The following COBL variants were observed in gnomAD, a reference collection of about 807,000 sequenced individuals.
COBL encodes cordon-bleu WH2 repeat protein.
Under a neutral mutation model 98.8 loss-of-function variants are expected in COBL, and 51 were observed. That is an observed-to-expected ratio of 0.52 (90% CI 0.41 to 0.65). COBL has a LOEUF of 0.65. Ranked by LOEUF, COBL falls within the 30% of genes least tolerant of loss-of-function variation. COBL has a pLI of 0.00. For synonymous variants in COBL, 634 were observed against 651.7 expected, an observed-to-expected ratio of 0.97 and a Z score of 0.41; for missense variants, 1,617 against 1,617.5, an observed-to-expected ratio of 1.00 and a Z score of 0.01.
intron 8 of COBL, among the ~76,000 whole-genome samples, chr7:51,041,972 AC>A (rs1156281383): frequency 6.6e-6 from 1 of 152,170 alleles, no homozygotes; most frequent in Admixed American, 6.5e-5. Flanking sequence ...CAAAAAGAGC[AC>A]TGGAACAGAA....
rs374824252 is a variant in COBL, at chr7:51,030,795, G to A, written c.1504+17C>T. On this transcript the variant is annotated intron_variant, in intron 9 of 12. Transcript: ENST00000265136. ...CATGCAGCATAATATCAGAGTAGCG[G>A]ATCAGGTGGTTCTTACCTTCCAGGT... is the stretch of plus-strand genomic sequence containing the variant. The A allele has an allele frequency of 2.0e-6, 3 of 1,523,212 alleles. No homozygotes were observed. Among genetic ancestry groups the A allele is most frequent in the Non-Finnish European group, 2.7e-6 (3 of 1,099,012 alleles). The allele number at this position is 1,523,212 out of a possible 1,614,324, so 94.4% of individuals were successfully genotyped here.
chr7:51,079,751 G>A (rs1419379187), intron 7 of COBL, among the ~76,000 whole-genome samples: 3 of 152,222 alleles, frequency 2.0e-5, no homozygotes, highest in Non-Finnish European at 4.4e-5. Flanking sequence ...CACATGGGCT[G>A]GGTGAGCTGC....
rs947567507 is a variant in COBL, at chr7:51,027,606, T to C, written c.3384+106A>G. On this transcript the variant is annotated intron_variant, in intron 10 of 12. Coordinates refer to ENST00000265136, the MANE Select transcript of COBL (RefSeq NM_015198.5). ...ACCTGTGTGGTAAGCCTCACTGTTA[T>C]CCTAATCCCGTCTCTCTCTCTCCTC... 3.5e-5 allele frequency: 34 copies of C among 962,762 alleles called. 1 individual carries two copies. In the South Asian group the frequency reaches 3.7e-4, roughly 10 times the overall value. The allele number at this position is 962,762 out of a possible 1,614,324, so 59.6% of individuals were successfully genotyped here.
At chr7:51,026,404 G>C in intron 11 of COBL, 142 bp downstream of exon 11, 1 of 1,146,170 alleles carries the variant, frequency 8.7e-7, no homozygotes, top group Non-Finnish European at 1.2e-6. Context: ...TCTCACACAG[G>C]CTGGGATGGC....
At chr7:51,283,437 T>C (rs559858358) in intron 1 of COBL, among the ~76,000 whole-genome samples, 7 of 152,346 alleles carry the variant, frequency 4.6e-5, no homozygotes, top group Middle Eastern at 3.4e-3. Context: ...AAAGATTAAA[T>C]AGATAATTCA....
intron 1 of COBL, among the ~76,000 whole-genome samples, chr7:51,297,769 A>C (rs1467223854): frequency 6.6e-6 from 1 of 152,316 alleles, no homozygotes; most frequent in East Asian, 1.9e-4. Context: ...TACATGGAAA[A>C]GCCAACCATC....
At chr7:51,074,379 A>G (rs764410454) in intron 7 of COBL, among the ~76,000 whole-genome samples, 2 of 152,048 alleles carry the variant, frequency 1.3e-5, no homozygotes, top group Non-Finnish European at 2.9e-5. Flanking sequence ...TATTTTTAGT[A>G]GAGATGGGGT....
At chr7:51,192,299 T>A (rs188006051) in intron 3 of COBL, among the ~76,000 whole-genome samples, 1 of 152,164 alleles carries the variant, frequency 6.6e-6, no homozygotes, top group Non-Finnish European at 1.5e-5. Flanking sequence ...AAGATTAATA[T>A]CAAAGCCTTA....
intron 1 of COBL, among the ~76,000 whole-genome samples, chr7:51,236,029 CT>C (rs1424894943): frequency 6.6e-6 from 1 of 152,168 alleles, no homozygotes; most frequent in East Asian, 1.9e-4. Context: ...AAAAAAAACC[CT>C]TCCCCTTTTA....
intron 1 of COBL, among the ~76,000 whole-genome samples, chr7:51,281,037 C>T (rs1037715125): frequency 1.3e-5 from 2 of 152,116 alleles, no homozygotes; most frequent in African/African-American, 4.8e-5. Flanking sequence ...GGAAATAATA[C>T]AGGTTATAAA....
chr7:51,279,941 T>C lies in COBL; in HGVS notation c.41+36652A>G, dbSNP rs116083778. 4.7e-3 allele frequency among the ~76,000 whole-genome samples: 722 copies of C among 152,324 alleles called. 4 individuals carry two copies. Among genetic ancestry groups the C allele is most frequent in the African/African-American group, 0.016 (671 of 41,566 alleles). On this transcript the variant is annotated intron_variant, in intron 1 of 12. Transcript: ENST00000265136. ...TTTTCCATGTCTTTCTATGGCTTGA[T>C]GGCTCATTTCTTTTTAGCATTAAAT...
intron 7 of COBL, among the ~76,000 whole-genome samples, chr7:51,052,342 A>G (rs1235974529): frequency 6.6e-6 from 1 of 152,236 alleles, no homozygotes; most frequent in Non-Finnish European, 1.5e-5. Context: ...GTGTTACATG[A>G]ATCCTACTGA....
At chr7:51,130,729 A>T (rs1798660429) in intron 6 of COBL, among the ~76,000 whole-genome samples, 1 of 152,172 alleles carries the variant, frequency 6.6e-6, no homozygotes, top group African/African-American at 2.4e-5. Flanking sequence ...GATCAAATGG[A>T]CACTTCAGTT....
At chr7:51,077,358 A>G (rs1016006050) in intron 7 of COBL, among the ~76,000 whole-genome samples, 1 of 152,232 alleles carries the variant, frequency 6.6e-6, no homozygotes, top group Non-Finnish European at 1.5e-5. Flanking sequence ...GAGAGGTTAC[A>G]TAGCTTAGTA....
chr7:51,157,233 CGTGGTGGT>C (rs1786258319), intron 5 of COBL, among the ~76,000 whole-genome samples: 3 of 152,118 alleles, frequency 2.0e-5, no homozygotes, highest in African/African-American at 7.2e-5. Flanking sequence ...ATTAGCCAGG[CGTGGTGGT>C]GTGGGCCTGT....
chr7:51,129,659 T>C (rs561025389), intron 6 of COBL, among the ~76,000 whole-genome samples: 5 of 152,110 alleles, frequency 3.3e-5, no homozygotes, highest in African/African-American at 1.2e-4. Context: ...AAGGGGGCAG[T>C]TACCAGAGGG....
At chr7:51,055,405 C>T (rs1199375448) in intron 7 of COBL, among the ~76,000 whole-genome samples, 1 of 152,224 alleles carries the variant, frequency 6.6e-6, no homozygotes, top group Non-Finnish European at 1.5e-5. Context: ...TTAAACGAGA[C>T]AGCACTTATG....
intron 5 of COBL, among the ~76,000 whole-genome samples, chr7:51,159,891 CTA>C (rs1786611578): frequency 6.6e-6 from 1 of 152,148 alleles, no homozygotes; most frequent in Admixed American, 6.5e-5. Context: ...ATTTTTAAAA[CTA>C]TTTTTTTGTT....
At chr7:51,037,606 G>A (rs974809262) in intron 8 of COBL, among the ~76,000 whole-genome samples, 1 of 152,178 alleles carries the variant, frequency 6.6e-6, no homozygotes, top group South Asian at 2.1e-4. Context: ...TCCCCAGAAT[G>A]AAATGCAACC....
Sources: gnomAD v4.1 joint callset for allele counts (sites outside exome capture counted in the v4.1 genomes callset) on GRCh38, gnomAD v4.1.1 for gene constraint, MANE v1.5 for transcripts, NCBI Gene and HGNC (gene_info 2026-07-23, HGNC 2026-07-21) for gene names.